The following LIN52 variants were observed in gnomAD, a reference collection of about 807,000 sequenced individuals.
LIN52 encodes protein lin-52 homolog.
LIN52 carries 4 observed loss-of-function variants against 18.5 expected under a neutral mutation model. The ratio of observed to expected loss-of-function variants is 0.22; its 90% confidence interval spans 0.11 to 0.49. The LOEUF (loss-of-function observed/expected upper bound fraction) is 0.49, where lower values mean the gene tolerates loss of function less well. LIN52 is among the 20% of genes least tolerant of loss of function. The probability of loss-of-function intolerance (pLI) is 0.97; values close to 1 mark genes in which losing one functional copy is unlikely to be tolerated. For missense variants in LIN52, 102 were observed against 139.5 expected, an observed-to-expected ratio of 0.73 and a Z score of 1.35; for synonymous variants, 34 against 45.5, an observed-to-expected ratio of 0.75 and a Z score of 1.02.
At chr14:74,147,130 C>A (rs1223348658) in intron 5 of LIN52, among the ~76,000 whole-genome samples, 1 of 152,066 alleles carries the variant, frequency 6.6e-6, no homozygotes. Flanking sequence ...TGACAACGCA[C>A]CCCTGTAATC....
intron 5 of LIN52, among the ~76,000 whole-genome samples, chr14:74,119,808 T>C (rs2060988772): frequency 6.6e-6 from 1 of 151,912 alleles, no homozygotes; most frequent in Non-Finnish European, 1.5e-5. Context: ...CCATTGCCCA[T>C]CTTTAAAAAC....
At chr14:74,184,536 A>G (rs2061332948) in intron 5 of LIN52, among the ~76,000 whole-genome samples, 1 of 152,218 alleles carries the variant, frequency 6.6e-6, no homozygotes, top group African/African-American at 2.4e-5. Flanking sequence ...GTTCCTTCAC[A>G]TCAAGACTGA....
At chr14:74,163,976 G>C (rs1465717680) in intron 5 of LIN52, among the ~76,000 whole-genome samples, 2 of 142,916 alleles carry the variant, frequency 1.4e-5, no homozygotes, top group Non-Finnish European at 3.1e-5. Context: ...GATGGGGTCT[G>C]TACTGAAATT....
intron 5 of LIN52, among the ~76,000 whole-genome samples, chr14:74,196,247 A>G (rs886455434): frequency 6.6e-6 from 1 of 152,168 alleles, no homozygotes; most frequent in African/African-American, 2.4e-5. Flanking sequence ...CCACTGAGAG[A>G]CTTCAGAATA....
At chr14:74,115,880 G>A (rs896268711) in intron 5 of LIN52, among the ~76,000 whole-genome samples, 1 of 152,188 alleles carries the variant, frequency 6.6e-6, no homozygotes, top group Middle Eastern at 3.2e-3. Flanking sequence ...ACCATAAAAT[G>A]CTTGTGGTGT....
chr14:74,146,211 T>C (rs1423715270), intron 5 of LIN52, among the ~76,000 whole-genome samples: 1 of 152,202 alleles, frequency 6.6e-6, no homozygotes, highest in Non-Finnish European at 1.5e-5. Context: ...TCTCTATTGA[T>C]GAACATGTTT....
At chr14:74,126,508 T>C (rs2061031018) in intron 5 of LIN52, among the ~76,000 whole-genome samples, 1 of 152,170 alleles carries the variant, frequency 6.6e-6, no homozygotes, top group African/African-American at 2.4e-5. Flanking sequence ...GATGAATGAA[T>C]AAACAAAATG....
intron 5 of LIN52, among the ~76,000 whole-genome samples, chr14:74,192,052 G>A (rs1175963824): frequency 6.6e-6 from 1 of 152,178 alleles, no homozygotes; most frequent in African/African-American, 2.4e-5. Context: ...ACCACAGTAT[G>A]CCTTCATTCA....
At chr14:74,195,968 A>G (rs915076248) in intron 5 of LIN52, among the ~76,000 whole-genome samples, 4 of 152,184 alleles carry the variant, frequency 2.6e-5, no homozygotes, top group African/African-American at 9.7e-5. Context: ...CTCTGTGCAC[A>G]AAAAGGGGTT....
intron 5 of LIN52, among the ~76,000 whole-genome samples, chr14:74,135,279 A>G (rs2061091228): frequency 6.6e-6 from 1 of 152,060 alleles, no homozygotes; most frequent in South Asian, 2.1e-4. Context: ...TGGCCAGGAT[A>G]TTCTTGATCT....
chr14:74,189,965 T>C (rs1444272963), intron 5 of LIN52, among the ~76,000 whole-genome samples: 2 of 152,106 alleles, frequency 1.3e-5, no homozygotes, highest in Non-Finnish European at 2.9e-5. Flanking sequence ...AGAAAAAAAG[T>C]TTGATATAAA....
At chr14:74,174,452 T>G (rs2061283801) in intron 5 of LIN52, 1 of 152,320 alleles carries the variant, frequency 6.6e-6, no homozygotes, top group African/African-American at 2.4e-5. Context: ...AAAGATACAG[T>G]ATAGCTGGGC....
intron 5 of LIN52, among the ~76,000 whole-genome samples, chr14:74,183,103 C>CTT (rs71303902): frequency 3.9e-5 from 3 of 77,312 alleles, no homozygotes; most frequent in Non-Finnish European, 6.3e-5. Context: ...CTCTCTCTCT[C>CTT]TTTTTTTTTT....
intron 3 of LIN52, among the ~76,000 whole-genome samples, chr14:74,096,870 T>C (rs888516123): frequency 3.9e-5 from 6 of 152,232 alleles, no homozygotes; most frequent in African/African-American, 1.4e-4. Context: ...AAGGCATTTA[T>C]AGTTTTAAAA....
chr14:74,171,239 C>T (rs972821653), intron 5 of LIN52, among the ~76,000 whole-genome samples: 1 of 151,704 alleles, frequency 6.6e-6, no homozygotes, highest in African/African-American at 2.4e-5. Flanking sequence ...GGTGTGGTAG[C>T]ATGCACCTAT....
chr14:74,133,864 C>G (rs564875846), intron 5 of LIN52, among the ~76,000 whole-genome samples: 1 of 152,248 alleles, frequency 6.6e-6, no homozygotes, highest in South Asian at 2.1e-4. Flanking sequence ...CAGAATTGCT[C>G]TGTGGGTTCT....
intron 5 of LIN52, among the ~76,000 whole-genome samples, chr14:74,130,278 G>GTTTGTTTGTTTTTTTTTT (rs1555382571): frequency 9.3e-5 from 6 of 64,842 alleles, no homozygotes; most frequent in African/African-American, 3.8e-4. Flanking sequence ...GCATTTTTTG[G>GTTTGTTTGTTTTTTTTTT]TTTTTTTTTT....
chr14:74,181,107 C>CAAAAA (rs149099646), intron 5 of LIN52, among the ~76,000 whole-genome samples: 2 of 96,130 alleles, frequency 2.1e-5, no homozygotes, highest in Admixed American at 1.2e-4. Flanking sequence ...GACTCTGTCT[C>CAAAAA]AAAAAAAAAA....
At chr14:74,122,880 CAAACAAACAA>C (rs1374366165) in intron 5 of LIN52, among the ~76,000 whole-genome samples, 8 of 138,208 alleles carry the variant, frequency 5.8e-5, no homozygotes, top group Non-Finnish European at 1.3e-4. Flanking sequence ...AAAAACAAAA[CAAACAAACAA>C]AAACAAAAAC....
Sources: gnomAD v4.1 joint callset for allele counts (sites outside exome capture counted in the v4.1 genomes callset) on GRCh38, gnomAD v4.1.1 for gene constraint, MANE v1.5 for transcripts, NCBI Gene and HGNC (gene_info 2026-07-23, HGNC 2026-07-21) for gene names.